TNFAIP6: variants seen among roughly 807,000 people sequenced by gnomAD.
The protein encoded by TNFAIP6 is TNF alpha induced protein 6.
Under a neutral mutation model 33.7 loss-of-function variants are expected in TNFAIP6, and 36 were observed. That is an observed-to-expected ratio of 1.07 (90% CI 0.82 to 1.41). The LOEUF (loss-of-function observed/expected upper bound fraction) is 1.41. TNFAIP6 is among the 40% of genes most tolerant of loss of function. The pLI is 0.00. For missense variants in TNFAIP6, 273 were observed against 331.9 expected (o/e 0.82, Z 1.38); for synonymous variants, 113 against 112.8 (o/e 1.00, Z -0.01).
intron 2 of TNFAIP6, among the ~76,000 whole-genome samples, chr2:151,364,866 G>A (rs1684684861): frequency 6.6e-6 from 1 of 152,134 alleles, no homozygotes; most frequent in African/African-American, 2.4e-5. Context: ...TAATCAGGGG[G>A]CGGCATGGGG....
rs35035485 is a variant in TNFAIP6, at chr2:151,364,594, G to C, written c.232+514G>C. ...TAAGGAAAAGGAGGACAGGAAGGTC[G>C]TGAGATAGAAGCAGAAAGAAACTGG... On this transcript the variant is annotated intron_variant, in intron 2 of 5. Transcript: ENST00000243347. Among the ~76,000 whole-genome samples the C allele has an allele frequency of 9.4e-3, 1,437 of 152,248 alleles. 24 individuals carry two copies. Among genetic ancestry groups the C allele is most frequent in the African/African-American group, 0.033 (1,364 of 41,532 alleles).
intron 1 of TNFAIP6, among the ~76,000 whole-genome samples, chr2:151,362,636 GCC>G (rs1558897747): frequency 5.9e-5 from 9 of 151,648 alleles, no homozygotes; most frequent in African/African-American, 1.9e-4. Context: ...GACTACAGGT[GCC>G]TGCCACCACG....
At chr2:151,363,391 C>T (rs958672802) in intron 1 of TNFAIP6, among the ~76,000 whole-genome samples, 6 of 151,954 alleles carry the variant, frequency 3.9e-5, no homozygotes, top group Non-Finnish European at 8.8e-5. Flanking sequence ...GGCCCAGTGG[C>T]TCATGGCTGT....
In TNFAIP6 at chr2:151,370,268, C is replaced by CGT; in HGVS notation, c.623+20_623+21insGT. On this transcript the variant is annotated intron_variant, in intron 4 of 5. Coordinates refer to ENST00000243347, the MANE Select transcript of TNFAIP6 (RefSeq NM_007115.4). ...GGGAAGGTACGTATGGGTCCCCATA[C>CGT]AGGAAGTTAAATGAACGTCCAGTAT... The CGT allele has an allele frequency of 6.4e-7, 1 of 1,566,196 alleles. No individual in the cohort carries two copies. Among genetic ancestry groups the CGT allele is most frequent in the Non-Finnish European group, 8.8e-7 (1 of 1,138,688 alleles).
rs1384548730 is a variant in TNFAIP6 at position 151,370,328 on chromosome 2, T to C, written c.623+80T>C. 12 of 1,019,594 alleles carry C rather than the reference T, an allele frequency of 1.2e-5. No individual in the cohort carries two copies. The African/African-American group carries it at 1.6e-4, about 14-fold the overall frequency. The allele number at this position is 1,019,594 out of a possible 1,614,324, so 63.2% of individuals were successfully genotyped here. ...TGCTTCTTTAATTTTCCCTCAACTG[T>C]CCCTATAATATTGATTTTGGAATAG... On this transcript the variant is annotated intron_variant, in intron 4 of 5. Transcript: ENST00000243347.
intron 5 of TNFAIP6, among the ~76,000 whole-genome samples, chr2:151,375,091 C>T (rs1224827010): frequency 1.4e-5 from 2 of 144,928 alleles, no homozygotes; most frequent in African/African-American, 5.1e-5. Flanking sequence ...CGCCATTGCA[C>T]TCCAGCCTGA....
chr2:151,378,663 A>AT (rs1684961256), intron 5 of TNFAIP6, among the ~76,000 whole-genome samples: 1 of 151,470 alleles, frequency 6.6e-6, no homozygotes, highest in Non-Finnish European at 1.5e-5. Context: ...GATTTTTTGT[A>AT]TTTTTAATAG....
At chr2:151,380,456 A>C (rs1684995736), downstream of TNFAIP6, among the ~76,000 whole-genome samples, 1 of 152,138 alleles carries the variant, frequency 6.6e-6, no homozygotes, top group Non-Finnish European at 1.5e-5. Context: ...TCTCATATTT[A>C]TGTTTAGGAC....
chr2:151,366,305 G>A, intron 3 of TNFAIP6, 88 bp downstream of exon 3: 1 of 1,217,092 alleles, frequency 8.2e-7, no homozygotes, highest in Non-Finnish European at 1.2e-6. Flanking sequence ...ACTTTTTCCA[G>A]AAATAATTGA....
chr2:151,379,576 G>A lies in TNFAIP6; in HGVS notation c.*43G>A. The A allele has an allele frequency of 7.3e-7, 1 of 1,363,002 alleles. No homozygotes were observed. The highest frequency in any genetic ancestry group is 9.8e-7 in the Non-Finnish European group (1 of 1,022,454). The allele number at this position is 1,363,002 out of a possible 1,614,324, so 84.4% of individuals were successfully genotyped here. A position where few individuals can be genotyped will look rare whatever the true frequency, so the allele number is the denominator to read the frequency against. Reference sequence around the variant, plus strand: ...ATCAAAACACACAGTGTTTATGTTGGAATCTTTTGGAACTCCTTTGATCTC... The same window carrying A: ...ATCAAAACACACAGTGTTTATGTTGAAATCTTTTGGAACTCCTTTGATCTC... On this transcript the variant is annotated 3_prime_UTR_variant, in exon 6 of 6. Transcript: ENST00000243347.
At chr2:151,357,970 G>T (rs945182470) in intron 1 of TNFAIP6, among the ~76,000 whole-genome samples, 6 of 151,664 alleles carry the variant, frequency 4.0e-5, no homozygotes, top group African/African-American at 1.5e-4. Flanking sequence ...TTTATAAAGT[G>T]AATTGTTCAG....
At chr2:151,370,702 C>T (rs148658468) in intron 4 of TNFAIP6, among the ~76,000 whole-genome samples, 34 of 152,250 alleles carry the variant, frequency 2.2e-4, no homozygotes, top group African/African-American at 7.9e-4. Context: ...ATCTGACTAA[C>T]AATAGGAGGA....
At chr2:151,364,111 T>C in intron 2 of TNFAIP6, 31 bp downstream of exon 2, 6 of 1,608,794 alleles carry the variant, frequency 3.7e-6, no homozygotes, top group Non-Finnish European at 5.1e-6. Flanking sequence ...TTTTCTTCTT[T>C]TTTATCCTTG....
chr2:151,360,542 A>G (rs1684609984), intron 1 of TNFAIP6, among the ~76,000 whole-genome samples: 1 of 152,230 alleles, frequency 6.6e-6, no homozygotes, highest in South Asian at 2.1e-4. Context: ...AATTAATAAA[A>G]TATTATTGCT....
intron 5 of TNFAIP6, among the ~76,000 whole-genome samples, chr2:151,374,390 ATTT>A (rs1038309864): frequency 1.3e-5 from 2 of 152,140 alleles, no homozygotes; most frequent in African/African-American, 4.8e-5. Context: ...TGTATTCAGT[ATTT>A]TATTTTATTT....
intron 3 of TNFAIP6, among the ~76,000 whole-genome samples, chr2:151,369,532 C>T (rs964393586): frequency 6.6e-6 from 1 of 151,812 alleles, no homozygotes; most frequent in South Asian, 2.1e-4. Flanking sequence ...TCAGCACTTT[C>T]AGAGGCAGAG....
intron 5 of TNFAIP6, among the ~76,000 whole-genome samples, chr2:151,377,170 T>G (rs1327004561): frequency 6.7e-6 from 1 of 150,060 alleles, no homozygotes; most frequent in African/African-American, 2.5e-5. Context: ...TTTCTTTTCT[T>G]TTCTTTTCTT....
intron 5 of TNFAIP6, among the ~76,000 whole-genome samples, chr2:151,377,521 G>A (rs184133929): frequency 2.2e-4 from 34 of 151,876 alleles, no homozygotes; most frequent in Middle Eastern, 3.4e-3. Flanking sequence ...AAGGCCTGTC[G>A]ACTCATACCT....
intron 3 of TNFAIP6, among the ~76,000 whole-genome samples, chr2:151,367,923 T>C (rs1485336634): frequency 6.6e-6 from 1 of 151,986 alleles, no homozygotes; most frequent in Admixed American, 6.6e-5. Flanking sequence ...GTCACCAAGT[T>C]AGAGCTGATA....
Sources: gnomAD v4.1 joint callset for allele counts (sites outside exome capture counted in the v4.1 genomes callset) on GRCh38, gnomAD v4.1.1 for gene constraint, MANE v1.5 for transcripts, NCBI Gene and HGNC (gene_info 2026-07-23, HGNC 2026-07-21) for gene names.